COL19A1: variants seen among roughly 807,000 people sequenced by gnomAD.
COL19A1 encodes collagen type XIX alpha 1 chain, also known as collagen alpha-1(XIX) chain.
Under a neutral mutation model 190.2 loss-of-function variants are expected in COL19A1, and 159 were observed. The ratio of observed to expected loss-of-function variants is 0.84; its 90% confidence interval spans 0.73 to 0.95. The LOEUF is 0.95. Ranked by LOEUF, COL19A1 falls within the 40% of genes least tolerant of loss-of-function variation. COL19A1 has a pLI of 0.00. For missense variants in COL19A1, 1,418 were observed against 1,431.9 expected (o/e 0.99, Z 0.16); for synonymous variants, 509 against 458.9 (o/e 1.11, Z -1.39).
chr6:70,163,525 T>C (rs964444467), intron 36 of COL19A1, 129 bp downstream of exon 36: 4 of 779,794 alleles, frequency 5.1e-6, no homozygotes, highest in Non-Finnish European at 8.2e-6. Context: ...AAAGTACCTA[T>C]TCTTGTAGTG....
At chr6:69,874,339 A>G (rs1208340553) in intron 1 of COL19A1, among the ~76,000 whole-genome samples, 1 of 152,244 alleles carries the variant, frequency 6.6e-6, no homozygotes, top group African/African-American at 2.4e-5. Context: ...AAACATATAC[A>G]AGGATTTATT....
At chr6:70,026,412 A>G (rs1778733855) in intron 12 of COL19A1, among the ~76,000 whole-genome samples, 1 of 152,216 alleles carries the variant, frequency 6.6e-6, no homozygotes, top group Non-Finnish European at 1.5e-5. Context: ...AGTCCTTCAC[A>G]TGCCCCAATA....
At chr6:70,032,281 G>A (rs1779117800) in intron 12 of COL19A1, among the ~76,000 whole-genome samples, 1 of 152,204 alleles carries the variant, frequency 6.6e-6, no homozygotes, top group Non-Finnish European at 1.5e-5. Flanking sequence ...TACTTAGCAA[G>A]ATTCTTGCTA....
chr6:70,178,596 C>T (rs1765963347), intron 42 of COL19A1, among the ~76,000 whole-genome samples: 1 of 152,062 alleles, frequency 6.6e-6, no homozygotes. Flanking sequence ...TAAGTGTGCA[C>T]TTAAAAATGG....
At chr6:70,177,372 C>A (rs1421718062) in intron 42 of COL19A1, among the ~76,000 whole-genome samples, 1 of 149,972 alleles carries the variant, frequency 6.7e-6, no homozygotes, top group Non-Finnish European at 1.5e-5. Flanking sequence ...CCCACAGTCA[C>A]CCACCGAGAT....
In COL19A1 at chr6:69,949,481, T is replaced by C. The variant is rs1774003350; in HGVS notation, c.937-10515T>C. On this transcript the variant is annotated intron_variant, in intron 9 of 50. Transcript: ENST00000620364. ...TGTATACAAAATGAAAACAAGAAAG[T>C]TACTAGCGTATTATCTAACAGTAGG... Among the ~76,000 whole-genome samples, 3 of 152,056 alleles carry C rather than the reference T, an allele frequency of 2.0e-5. 1 individual carries two copies. The South Asian group carries it at 6.2e-4, about 32-fold the overall frequency.
At chr6:70,043,701 G>T (rs1779754609) in intron 14 of COL19A1, among the ~76,000 whole-genome samples, 1 of 152,154 alleles carries the variant, frequency 6.6e-6, no homozygotes. Flanking sequence ...TATCAACAGT[G>T]GGCTTCTTCA....
At chr6:70,141,205 G>A (rs1562212648) in intron 20 of COL19A1, among the ~76,000 whole-genome samples, 1 of 151,964 alleles carries the variant, frequency 6.6e-6, no homozygotes, top group Non-Finnish European at 1.5e-5. Flanking sequence ...CTTCAACATT[G>A]GTTTGAGTTT....
At chr6:70,095,535 A>T (rs890078898) in intron 15 of COL19A1, among the ~76,000 whole-genome samples, 3 of 152,182 alleles carry the variant, frequency 2.0e-5, no homozygotes, top group African/African-American at 7.2e-5. Context: ...GAATTGTGGT[A>T]AAAAATATAT....
rs1302087867 is a variant in COL19A1 at position 69,929,501 on chromosome 6, A to G, written c.467A>G (p.Tyr156Cys). Residue 156 changes from tyrosine to cysteine, a missense_variant, in exon 6 of 51, where the codon TAC becomes TGC. Transcript: ENST00000620364. The part of the protein sequence containing the change: ...FQATEGDVLN[Y>C]IFRNRELRPL... Reference sequence around the variant, plus strand: ...GCCACAGAGGGAGATGTGTTGAACTACATTTTTAGAAATCGAGAACTCCGT... The same window carrying G: ...GCCACAGAGGGAGATGTGTTGAACTGCATTTTTAGAAATCGAGAACTCCGT... The G allele has an allele frequency of 6.2e-7, 1 of 1,614,100 alleles. No homozygotes were observed. The highest frequency in any genetic ancestry group is 1.1e-5 in the South Asian group (1 of 91,092).
intron 1 of COL19A1, among the ~76,000 whole-genome samples, chr6:69,867,195 C>G (rs1165917381): frequency 6.6e-6 from 1 of 151,812 alleles, no homozygotes; most frequent in Non-Finnish European, 1.5e-5. Context: ...CCCTCCGGCC[C>G]GGGGTTACCT....
intron 42 of COL19A1, among the ~76,000 whole-genome samples, chr6:70,179,874 CTTTATTTA>C (rs757767473): frequency 1.7e-4 from 26 of 151,936 alleles, no homozygotes; most frequent in African/African-American, 6.0e-4. Context: ...AGAAATGCCA[CTTTATTTA>C]TTTATTTATT....
At chr6:70,178,208 C>T (rs1375452135) in intron 42 of COL19A1, among the ~76,000 whole-genome samples, 2 of 152,056 alleles carry the variant, frequency 1.3e-5, no homozygotes, top group Non-Finnish European at 2.9e-5. Flanking sequence ...GGAAACATGG[C>T]AAAACTCTTG....
chr6:69,918,815 G>A (rs184551825), intron 4 of COL19A1, among the ~76,000 whole-genome samples: 1 of 152,338 alleles, frequency 6.6e-6, no homozygotes, highest in East Asian at 1.9e-4. Context: ...AACTTGCAGG[G>A]ATTTGGGTGG....
At chr6:69,969,736 A>G (rs982647574) in intron 11 of COL19A1, among the ~76,000 whole-genome samples, 2 of 152,144 alleles carry the variant, frequency 1.3e-5, no homozygotes, top group East Asian at 1.9e-4. Flanking sequence ...GGACTTTGTT[A>G]TCAGCAGGGA....
Position 70,092,606 on chromosome 6 carries a change from C to A in COL19A1, c.1225-9563C>A, listed in dbSNP as rs376213064. ...GAGAATTACATAAGGAAAATTTTTC[C>A]ATTTCAAAATTGGGTGACCTTTATA... On this transcript the variant is annotated intron_variant, in intron 15 of 50. Transcript: ENST00000620364. Among the ~76,000 whole-genome samples, 8 of 152,126 alleles carry A rather than the reference C, an allele frequency of 5.3e-5. No homozygotes were observed. In the East Asian group the frequency reaches 7.7e-4, roughly 15 times the overall value.
intron 25 of COL19A1, among the ~76,000 whole-genome samples, chr6:70,145,314 A>T (rs745595817): frequency 3.9e-5 from 6 of 152,186 alleles, no homozygotes; most frequent in Non-Finnish European, 8.8e-5. Context: ...AGAAAATGTG[A>T]TACATACAAC....
intron 48 of COL19A1, among the ~76,000 whole-genome samples, chr6:70,197,961 G>A (rs1046514624): frequency 1.3e-5 from 2 of 152,192 alleles, no homozygotes; most frequent in Non-Finnish European, 2.9e-5. Flanking sequence ...TTCTTAACCA[G>A]TATGGGCCTA....
chr6:70,009,609 G>A (rs540163179), intron 11 of COL19A1, among the ~76,000 whole-genome samples: 53 of 152,158 alleles, frequency 3.5e-4, no homozygotes, highest in African/African-American at 1.2e-3. Flanking sequence ...GCCATCATGT[G>A]TAAATGCAAA....
Sources: allele counts gnomAD v4.1 joint callset (sites outside exome capture counted in the v4.1 genomes callset), GRCh38; gene constraint gnomAD v4.1.1; transcripts MANE v1.5; gene names NCBI Gene and HGNC (gene_info 2026-07-23, HGNC 2026-07-21).